SPATA6L: variants seen among roughly 807,000 people sequenced by gnomAD.
The protein encoded by SPATA6L is spermatogenesis associated 6 like, also known as spermatogenesis associated 6-like protein.
A neutral mutation model predicts 49.2 loss-of-function variants in SPATA6L; 68 were observed. That is an observed-to-expected ratio of 1.38 (90% CI 1.14 to 1.69). The LOEUF is 1.69. SPATA6L is among the 40% of genes most tolerant of loss of function. SPATA6L has a pLI of 0.00. For synonymous variants in SPATA6L, 198 were observed against 165.7 expected (o/e 1.19, Z -1.50); for missense variants, 668 against 464.3 (o/e 1.44, Z -4.03).
chr9:4,648,417 T>G (rs377349451), intron 3 of SPATA6L, among the ~76,000 whole-genome samples: 1 of 152,122 alleles, frequency 6.6e-6, no homozygotes, highest in Non-Finnish European at 1.5e-5. Context: ...TATAAGTTCT[T>G]GGCTGGGCAC....
chr9:4,606,831 C>A (rs553714876), intron 9 of SPATA6L, among the ~76,000 whole-genome samples: 4 of 145,798 alleles, frequency 2.7e-5, no homozygotes, highest in Admixed American at 2.1e-4. Flanking sequence ...AGGCTTCAGA[C>A]GATCAAATTA....
intron 9 of SPATA6L, among the ~76,000 whole-genome samples, chr9:4,615,578 G>A (rs538129477): frequency 6.6e-6 from 1 of 152,194 alleles, no homozygotes. Flanking sequence ...AAAGAGAAAA[G>A]AGGACTTCTC....
chr9:4,593,461 C>A (rs1822036635), downstream of SPATA6L, among the ~76,000 whole-genome samples: 1 of 152,154 alleles, frequency 6.6e-6, no homozygotes, highest in Non-Finnish European at 1.5e-5. Flanking sequence ...AAATCCCTTT[C>A]TTTTCCAAAA....
At chr9:4,659,928 GA>G (rs1372957931) in intron 2 of SPATA6L, among the ~76,000 whole-genome samples, 4 of 152,196 alleles carry the variant, frequency 2.6e-5, no homozygotes, top group Non-Finnish European at 5.9e-5. Context: ...AAGAAATGGG[GA>G]AAGGATTCCC....
intron 1 of SPATA6L, chr9:4,665,103 G>A (rs139714600): frequency 1.2e-5 from 2 of 167,246 alleles, no homozygotes; most frequent in Non-Finnish European, 2.9e-5. Flanking sequence ...TTTAGTTGCT[G>A]AGGCCTGAGT....
chr9:4,609,674 C>A (rs1345337064), intron 9 of SPATA6L, among the ~76,000 whole-genome samples: 12 of 151,326 alleles, frequency 7.9e-5, no homozygotes, highest in African/African-American at 1.5e-4. Context: ...CTGTGACAAA[C>A]CCAAAGCCAA....
At chr9:4,626,588 T>G (rs1181383780) in intron 5 of SPATA6L, 2 of 1,288,988 alleles carry the variant, frequency 1.6e-6, no homozygotes, top group African/African-American at 1.5e-5. Flanking sequence ...GCAGTTACTC[T>G]GTCATTTCAG....
At chr9:4,622,825 CA>C (rs1444337585) in intron 6 of SPATA6L, among the ~76,000 whole-genome samples, 1 of 152,208 alleles carries the variant, frequency 6.6e-6, no homozygotes, top group African/African-American at 2.4e-5. Flanking sequence ...AGCTTTATTT[CA>C]CAATCTCTTA....
chr9:4,593,337 T>G (rs1822028294), downstream of SPATA6L, among the ~76,000 whole-genome samples: 1 of 152,156 alleles, frequency 6.6e-6, no homozygotes, highest in African/African-American at 2.4e-5. Context: ...TATGTCTAGA[T>G]TATCTCCCAC....
At chr9:4,623,167 C>T (rs1829720103) in intron 6 of SPATA6L, among the ~76,000 whole-genome samples, 2 of 152,152 alleles carry the variant, frequency 1.3e-5, no homozygotes. Flanking sequence ...GTAATCCCAG[C>T]TACTCTGGAG....
rs1828616742 is a variant in SPATA6L, at chr9:4,618,859, ATTACCT to A, written c.806_807+4del. 1.9e-6 allele frequency: 3 copies of A among 1,611,728 alleles called. No individual in the cohort carries two copies. The highest frequency in any genetic ancestry group is 2.5e-6 in the Non-Finnish European group (3 of 1,178,516). On this transcript the variant is annotated splice_donor_variant and splice_donor_region_variant and coding_sequence_variant and intron_variant, in exon 8 of 12. Transcript: ENST00000682582. LOFTEE classifies it high-confidence loss of function. Reference sequence around the variant, plus strand: ...TCATTTTACAAATTCTACTTCTAAAATTACCTTTACGTTAGCTGCAAGGCTGTCAAG... The same window carrying A: ...TCATTTTACAAATTCTACTTCTAAAATTACGTTAGCTGCAAGGCTGTCAAG...
In SPATA6L at chr9:4,666,205, C is replaced by A. The variant is rs375872212; in HGVS notation, c.39+7G>T. 2.3e-5 allele frequency: 37 copies of A among 1,613,986 alleles called. No individual in the cohort carries two copies. The highest frequency in any genetic ancestry group is 1.6e-4 in the Middle Eastern group (1 of 6,082). ...GGTTAAGGAGGGGGAGTTCATCGAT[C>A]TCTTACCGCCCGGATCTGCAGCTCC... On this transcript the variant is annotated splice_region_variant and intron_variant, in intron 1 of 11. Transcript: ENST00000682582.
At chr9:4,634,381 T>C (rs1473860468) in intron 4 of SPATA6L, among the ~76,000 whole-genome samples, 2 of 152,200 alleles carry the variant, frequency 1.3e-5, no homozygotes, top group African/African-American at 4.8e-5. Context: ...CTCTGAAAGA[T>C]AATGAAGGTC....
rs373052180 is a variant in SPATA6L at position 4,629,119 on chromosome 9, C to T, written c.401G>A (p.Cys134Tyr). The change falls in exon 5 of 12, where the codon TGT becomes TAT. Residue 134 changes from cysteine (C) to tyrosine (Y), a missense_variant. Physicochemically the swap from Cys to Tyr is radical, Grantham distance 194. Coordinates refer to ENST00000682582, the MANE Select transcript of SPATA6L (RefSeq NM_001353486.2). Reference protein sequence around the residue: ...EFSTRTAIRECVFLHRNRFLE... With the variant: ...EFSTRTAIREYVFLHRNRFLE... Reference sequence around the variant, plus strand: ...AAATCTGTTTCTATGCAGAAACACACATTCTCTGATGGCTGTCCTTGTAGA... The same window carrying T: ...AAATCTGTTTCTATGCAGAAACACATATTCTCTGATGGCTGTCCTTGTAGA... The T allele has an allele frequency of 5.6e-6, 9 of 1,611,016 alleles. No individual in the cohort carries two copies. Among genetic ancestry groups the T allele is most frequent in the Non-Finnish European group, 7.6e-6 (9 of 1,178,718 alleles).
At chr9:4,620,027 C>T (rs916792455) in intron 7 of SPATA6L, among the ~76,000 whole-genome samples, 1 of 152,166 alleles carries the variant, frequency 6.6e-6, no homozygotes, top group East Asian at 1.9e-4. Flanking sequence ...CCCCACGTCA[C>T]CGGTAGATAT....
intron 3 of SPATA6L, among the ~76,000 whole-genome samples, chr9:4,640,848 AAC>A (rs1235714829): frequency 6.6e-6 from 1 of 152,246 alleles, no homozygotes; most frequent in Non-Finnish European, 1.5e-5. Flanking sequence ...AAACAAGTAT[AAC>A]ACAGTTCCCA....
At chr9:4,620,872 A>T (rs1587125189) in intron 7 of SPATA6L, among the ~76,000 whole-genome samples, 1 of 152,226 alleles carries the variant, frequency 6.6e-6, no homozygotes, top group African/African-American at 2.4e-5. Context: ...GCAGTAGGAA[A>T]GACAATGCTG....
intron 13 of SPATA6L, among the ~76,000 whole-genome samples, chr9:4,589,538 AAT>A (rs1821770252): frequency 6.6e-6 from 1 of 152,258 alleles, no homozygotes; most frequent in Non-Finnish European, 1.5e-5. Flanking sequence ...TAATCTAAAG[AAT>A]ATCAAACTTA....
intron 4 of SPATA6L, among the ~76,000 whole-genome samples, chr9:4,634,710 C>G (rs899082673): frequency 3.2e-4 from 48 of 152,106 alleles, no homozygotes; most frequent in African/African-American, 1.1e-3. Flanking sequence ...GAATAGAAAT[C>G]GTCAAAGACA....
Sources: gnomAD v4.1 joint callset for allele counts (sites outside exome capture counted in the v4.1 genomes callset) on GRCh38, gnomAD v4.1.1 for gene constraint, MANE v1.5 for transcripts, NCBI Gene and HGNC (gene_info 2026-07-23, HGNC 2026-07-21) for gene names.